STOX2: variants seen among roughly 807,000 people sequenced by gnomAD.
STOX2 encodes storkhead-box protein 2.
In STOX2, 28 loss-of-function variants were observed where a neutral mutation model predicts 60.9. The observed-to-expected ratio is 0.46, with a 90% CI of 0.34 to 0.63. STOX2 has a LOEUF of 0.63. STOX2 is among the 30% of genes least tolerant of loss of function. The probability of loss-of-function intolerance (pLI) is 0.01; values close to 1 mark genes in which losing one functional copy is unlikely to be tolerated. For missense variants in STOX2, 1,024 were observed against 1,187.7 expected (o/e 0.86, Z 2.03); for synonymous variants, 472 against 463.9 (o/e 1.02, Z -0.22).
upstream of STOX2, among the ~76,000 whole-genome samples, chr4:183,904,274 A>C (rs1406602176): frequency 6.6e-6 from 1 of 152,244 alleles, no homozygotes; most frequent in African/African-American, 2.4e-5. Context: ...GCCGAGGACT[A>C]GAAGCTGCAC....
intron 1 of STOX2, among the ~76,000 whole-genome samples, chr4:183,879,005 C>T (rs1740894458): frequency 6.6e-6 from 1 of 151,728 alleles, no homozygotes; most frequent in Non-Finnish European, 1.5e-5. Context: ...AAAGAACAGC[C>T]ACAGTAATGA....
chr4:183,841,457 C>A (rs999127168), intron 1 of STOX2, among the ~76,000 whole-genome samples: 1 of 152,090 alleles, frequency 6.6e-6, no homozygotes, highest in Non-Finnish European at 1.5e-5. Flanking sequence ...AAAAGATGCT[C>A]CCTCCTCGGC....
intron 1 of STOX2, among the ~76,000 whole-genome samples, chr4:183,889,691 G>A (rs377472956): frequency 1.4e-3 from 220 of 152,314 alleles, no homozygotes; most frequent in African/African-American, 5.0e-3. Flanking sequence ...GGGCCTGGCC[G>A]GGGACTTGAA....
Position 184,001,833 on chromosome 4 carries a change from T to G in STOX2, c.319+356T>G, listed in dbSNP as rs1308907448. ...GCTGAAAACTTTAGTCCTAGGGAGT[T>G]AAACTACAGAAAGGGTCATGTCAAA... On this transcript the variant is annotated intron_variant, in intron 2 of 3. Transcript: ENST00000308497. This position sits in a 1 kb window ranked among gnomAD's most constrained non-coding sequence, Gnocchi z 4.2. Among the ~76,000 whole-genome samples, 1 of 152,254 alleles carries G rather than the reference T, an allele frequency of 6.6e-6. No homozygotes were observed. The highest frequency in any genetic ancestry group is 2.4e-5 in the African/African-American group (1 of 41,470).
chr4:183,856,531 G>A lies in STOX2; in HGVS notation c.364+58476G>A, dbSNP rs12331197. Among the ~76,000 whole-genome samples the A allele has an allele frequency of 0.039, 5,958 of 152,204 alleles. 384 individuals are homozygous for A. Among genetic ancestry groups the A allele is most frequent in the African/African-American group, 0.14 (5,695 of 41,502 alleles). On this transcript the variant is annotated intron_variant, in intron 1 of 2. Transcript: ENST00000513034. The surrounding 1 kb of genome is among the most constrained non-coding windows in gnomAD (Gnocchi z 4.0). ...CAGTCTCCATCCAAACTGAAGGGCA[G>A]TTCAGGGATCTGCCTTCCAAAGCCT...
At position 184,009,279 on chromosome 4, in the gene STOX2, T is replaced by A; in HGVS notation, c.441T>A (p.Thr147=). 6.2e-7 allele frequency: 1 copy of A among 1,613,638 alleles called. No homozygotes were observed. Among genetic ancestry groups the A allele is most frequent in the Non-Finnish European group, 8.5e-7 (1 of 1,179,772 alleles). The change falls in exon 3 of 4, where the codon ACT becomes ACA. Residue 147 remains threonine, a synonymous_variant. Transcript: ENST00000308497. The surrounding 1 kb of genome is among the most constrained non-coding windows in gnomAD (Gnocchi z 4.0). ...TGACCCCACAGACTTATTTCATAAC[T>A]CCTTCCCTCATAAGAACTAACAGTA... ...FIVTPQTYFI[T]PSLIRTNSKW...
Position 184,009,209 on chromosome 4 carries a change from T to C in STOX2, c.371T>C (p.Val124Ala). ...EILRHTLNTL[V>A]RERKIYPTPD... ...CTGCGGCACACGCTGAACACGCTGGTACGGGAGAGGAAGATCTACCCAACT... is the reference window on the plus strand; with the variant it reads ...CTGCGGCACACGCTGAACACGCTGGCACGGGAGAGGAAGATCTACCCAACT... Residue 124 changes from valine (V) to alanine (A), a missense_variant, in exon 3 of 4, where the codon GTA becomes GCA. Val to Ala is a moderately conservative substitution (Grantham distance 64, BLOSUM62 0). Around this residue, in one of 3 missense-constraint regions of STOX2, gnomAD observed 922 missense variants for 1,058.3 expected, o/e 0.87. Coordinates refer to ENST00000308497, the MANE Select transcript of STOX2 (RefSeq NM_020225.3). This position sits in a 1 kb window ranked among gnomAD's most constrained non-coding sequence, Gnocchi z 4.0. 2 of 1,497,152 alleles carry C rather than the reference T, an allele frequency of 1.3e-6. No homozygotes were observed. Among genetic ancestry groups the C allele is most frequent in the Admixed American group, 1.8e-5 (1 of 56,080 alleles). The allele number at this position is 1,497,152 out of a possible 1,614,324, so 92.7% of individuals were successfully genotyped here. A position where few individuals can be genotyped will look rare whatever the true frequency, so the allele number is the denominator to read the frequency against.
At chr4:183,944,952 A>G (rs1159836696) in intron 1 of STOX2, among the ~76,000 whole-genome samples, 1 of 152,218 alleles carries the variant, frequency 6.6e-6, no homozygotes, top group Non-Finnish European at 1.5e-5. Flanking sequence ...TACACAATAT[A>G]ACACCATTTA....
intron 1 of STOX2, among the ~76,000 whole-genome samples, chr4:183,946,990 A>G (rs1055541503): frequency 6.6e-6 from 1 of 152,124 alleles, no homozygotes; most frequent in Non-Finnish European, 1.5e-5. Flanking sequence ...GATGATTTAA[A>G]ATATATGTAG....
chr4:183,940,611 A>G (rs1351673166), intron 1 of STOX2, among the ~76,000 whole-genome samples: 5 of 152,182 alleles, frequency 3.3e-5, no homozygotes, highest in Non-Finnish European at 5.9e-5. Flanking sequence ...AGCACGGTCT[A>G]ATTTGAAACT....
At chr4:183,870,503 A>T (rs1000525489) in intron 1 of STOX2, among the ~76,000 whole-genome samples, 2 of 152,224 alleles carry the variant, frequency 1.3e-5, no homozygotes, top group African/African-American at 4.8e-5. Flanking sequence ...CTACACCATG[A>T]GTTGCCCTTT....
At chr4:183,849,995 C>G (rs1412946983) in intron 1 of STOX2, among the ~76,000 whole-genome samples, 1 of 151,520 alleles carries the variant, frequency 6.6e-6, no homozygotes, top group East Asian at 1.9e-4. Context: ...TGGAGTTTCA[C>G]TCTTGTTGTC....
rs1361683568 is a variant in STOX2, at chr4:184,017,473, T to G, written c.*189T>G. On this transcript the variant is annotated 3_prime_UTR_variant, in exon 4 of 4. Transcript: ENST00000308497. ...TATTTCAGAGTATTGCTTTTCACAT[T>G]TATGGCTCTGTAGCAACTGAGTAAC... 1 of 551,508 alleles carries G rather than the reference T, an allele frequency of 1.8e-6. No homozygotes were observed. Among genetic ancestry groups the G allele is most frequent in the Admixed American group, 3.5e-5 (1 of 28,438 alleles). 34.2% of individuals were successfully genotyped at this position (551,508 alleles called of 1,614,324 possible).
chr4:183,934,453 T>C (rs573802217), intron 1 of STOX2, among the ~76,000 whole-genome samples: 68 of 152,370 alleles, frequency 4.5e-4, no homozygotes, highest in African/African-American at 1.6e-3. Flanking sequence ...GATCTAAGTA[T>C]ATAAAGGCCT....
rs577169443 is a variant in STOX2, at chr4:183,839,252, CTAAG to C, written c.364+41199_364+41202del. Among the ~76,000 whole-genome samples the C allele has an allele frequency of 4.8e-3, 738 of 152,262 alleles. 4 individuals are homozygous for C. Among genetic ancestry groups the C allele is most frequent in the Non-Finnish European group, 7.1e-3 (483 of 68,028 alleles). ...ATTTGCTTTATTCACAGTCTACTGGCTAAGTGTTAATGTCATCTGAAAGAGTCAC... is the reference window on the plus strand; with the variant it reads ...ATTTGCTTTATTCACAGTCTACTGGCTGTTAATGTCATCTGAAAGAGTCAC... On this transcript the variant is annotated intron_variant, in intron 1 of 2. Transcript: ENST00000513034.
intron 1 of STOX2, among the ~76,000 whole-genome samples, chr4:183,801,035 TG>T (rs1166178337): frequency 6.6e-6 from 1 of 152,244 alleles, no homozygotes; most frequent in Non-Finnish European, 1.5e-5. Flanking sequence ...TTGAAACACC[TG>T]TGTTGAAATC....
chr4:183,805,728 G>A (rs750675859), intron 1 of STOX2, among the ~76,000 whole-genome samples: 9 of 152,236 alleles, frequency 5.9e-5, no homozygotes, highest in Admixed American at 3.9e-4. Flanking sequence ...TGGGAGGATC[G>A]TTTGAGCCTG....
rs112711907 is a variant in STOX2 at position 183,979,232 on chromosome 4, G to A, written c.167-22093G>A. ...GCAGGAGAAACAAAAAGGTCGGGGG[G>A]CGGGCTAGGTGCTACACACTGTTAA... On this transcript the variant is annotated intron_variant, in intron 1 of 3. Coordinates refer to ENST00000308497, the MANE Select transcript of STOX2 (RefSeq NM_020225.3). 3.2e-3 allele frequency among the ~76,000 whole-genome samples: 484 copies of A among 152,166 alleles called. 2 individuals are homozygous for A. The highest frequency in any genetic ancestry group is 0.011 in the African/African-American group (460 of 41,494).
At chr4:183,798,832 C>T in intron 1 of STOX2, 1 of 985,046 alleles carries the variant, frequency 1.0e-6, no homozygotes, top group South Asian at 4.7e-5. Context: ...ACTTCATTTC[C>T]CCTCCTTAAT....
Sources: gnomAD v4.1 joint callset for allele counts (sites outside exome capture counted in the v4.1 genomes callset) on GRCh38, gnomAD v4.1.1 for gene constraint, gnomAD v4.1.1 regional missense constraint, Gnocchi (gnomAD v3.1) non-coding constraint, MANE v1.5 for transcripts, NCBI Gene and HGNC (gene_info 2026-07-23, HGNC 2026-07-21) for gene names.